The following ELP5 variants were observed in gnomAD, a reference collection of about 807,000 sequenced individuals.
ELP5 encodes elongator complex protein 5.
In ELP5, 34 loss-of-function variants were observed where a neutral mutation model predicts 33.4. The observed-to-expected ratio is 1.02, with a 90% CI of 0.78 to 1.36. The LOEUF is 1.36. Ranked by LOEUF, ELP5 falls within the 40% of genes most tolerant of loss-of-function variation. The pLI is 0.00. For synonymous variants in ELP5, 161 were observed against 146.4 expected (o/e 1.10, Z -0.72); for missense variants, 373 against 371.7 (o/e 1.00, Z -0.03).
chr17:7,256,025 C>A (rs749085365), intron 4 of ELP5, among the ~76,000 whole-genome samples: 1 of 150,954 alleles, frequency 6.6e-6, no homozygotes, highest in African/African-American at 2.4e-5. Flanking sequence ...CACCGTACTG[C>A]AGCCTGGGTG....
At chr17:7,255,725 G>A (rs1361702854) in intron 4 of ELP5, among the ~76,000 whole-genome samples, 1 of 152,164 alleles carries the variant, frequency 6.6e-6, no homozygotes, top group African/African-American at 2.4e-5. Flanking sequence ...TACAAGGGAA[G>A]TATTAGGATG....
At chr17:7,259,161 C>G (rs2072152773) in intron 7 of ELP5, 1 of 1,409,486 alleles carries the variant, frequency 7.1e-7, no homozygotes, top group Non-Finnish European at 9.2e-7. Flanking sequence ...CCAGAGCACC[C>G]TGGGCCTGGG....
intron 4 of ELP5, among the ~76,000 whole-genome samples, chr17:7,255,506 G>A (rs369667100): frequency 2.0e-5 from 3 of 150,332 alleles, no homozygotes; most frequent in South Asian, 2.1e-4. Context: ...CAGCCTGGGC[G>A]ACAGAGCAAG....
chr17:7,253,000 T>G lies in ELP5; in HGVS notation c.188+2T>G. Reference sequence around the variant, plus strand: ...TTTTGACTCTGATATCAACAATCGGTAAGTACCAGTTGGAAGAGATTTGAT... The same window carrying G: ...TTTTGACTCTGATATCAACAATCGGGAAGTACCAGTTGGAAGAGATTTGAT... On this transcript the variant is annotated splice_donor_variant, in intron 3 of 7. Transcript: ENST00000396628. LOFTEE classifies it high-confidence loss of function. 6.2e-7 allele frequency: 1 copy of G among 1,614,062 alleles called. No homozygotes were observed. Among genetic ancestry groups the G allele is most frequent in the Non-Finnish European group, 8.5e-7 (1 of 1,179,888 alleles).
At chr17:7,253,872 C>T (rs1045826235) in intron 3 of ELP5, among the ~76,000 whole-genome samples, 13 of 152,194 alleles carry the variant, frequency 8.5e-5, no homozygotes, top group African/African-American at 2.9e-4. Flanking sequence ...TGGCACATGC[C>T]TGTAATTCCA....
intron 4 of ELP5, among the ~76,000 whole-genome samples, chr17:7,255,650 G>A (rs1042960148): frequency 2.6e-5 from 4 of 152,136 alleles, no homozygotes; most frequent in Non-Finnish European, 5.9e-5. Context: ...GGAGTCAGAC[G>A]CCCAGCTTTG....
intron 7 of ELP5, chr17:7,259,330 G>C: frequency 7.2e-7 from 1 of 1,398,358 alleles, no homozygotes; most frequent in Non-Finnish European, 9.3e-7. Context: ...AAGACTACAA[G>C]ATCCTTGCCC....
intron 3 of ELP5, among the ~76,000 whole-genome samples, 187 bp downstream of exon 3, chr17:7,253,185 C>G (rs1435452139): frequency 2.0e-5 from 3 of 152,048 alleles, no homozygotes; most frequent in African/African-American, 7.3e-5. Context: ...GAGTCCAAAG[C>G]AAAGATCATA....
At chr17:7,259,073 C>G (rs1458080374) in intron 7 of ELP5, 147 bp downstream of exon 7, 9 of 1,472,272 alleles carry the variant, frequency 6.1e-6, no homozygotes, top group Non-Finnish European at 8.1e-6. Context: ...TTGATCCACC[C>G]ATTCCCCCTA....
At chr17:7,259,084 TAATGG>T in intron 7 of ELP5, 158 bp downstream of exon 7, 1 of 1,461,552 alleles carries the variant, frequency 6.8e-7, no homozygotes, top group Non-Finnish European at 9.0e-7. Context: ...ATTCCCCCTA[TAATGG>T]CAGAGGACCT....
rs561151375 is a variant in ELP5, at chr17:7,253,134, C to G, written c.188+136C>G. ...ATTGAAGAATTGGATATGGATCTTT[C>G]AGGAGGCAAGAATTAATAAGAGGAG... On this transcript the variant is annotated intron_variant, in intron 3 of 7. Coordinates refer to ENST00000396628, the MANE Select transcript of ELP5 (RefSeq NM_203414.3). 1.1e-4 allele frequency: 86 copies of G among 803,590 alleles called. 1 individual carries two copies. In the South Asian group the frequency reaches 1.3e-3, roughly 12 times the overall value. The allele number at this position is 803,590 out of a possible 1,614,324, so 49.8% of individuals were successfully genotyped here.
At chr17:7,252,703 C>G (rs2071972441) in intron 1 of ELP5, 67 bp from the exon 2 acceptor site, 11 of 1,611,312 alleles carry the variant, frequency 6.8e-6, no homozygotes, top group Non-Finnish European at 8.5e-6. Context: ...GTGTGGAAAT[C>G]GCGACGGGTT....
intron 7 of ELP5, chr17:7,259,182 C>G: frequency 7.1e-7 from 1 of 1,398,832 alleles, no homozygotes; most frequent in Non-Finnish European, 9.3e-7. Flanking sequence ...CTGAGCCAGA[C>G]CAGACCCTTG....
chr17:7,258,786 T>C (rs776187500), intron 6 of ELP5, 40 bp from the exon 7 acceptor site: 2 of 1,614,026 alleles, frequency 1.2e-6, no homozygotes, highest in South Asian at 1.1e-5. Context: ...TCAGGGATTC[T>C]AGGGATGGGG....
At chr17:7,253,507 G>A (rs2072001283) in intron 3 of ELP5, among the ~76,000 whole-genome samples, 2 of 152,190 alleles carry the variant, frequency 1.3e-5, no homozygotes, top group African/African-American at 4.8e-5. Flanking sequence ...TGGGGGAGAA[G>A]AAAGTATTGA....
Position 7,252,898 on chromosome 17 carries a change from C to T in ELP5, c.108-20C>T, listed in dbSNP as rs776429918. 334 of 1,614,180 alleles carry T rather than the reference C, an allele frequency of 2.1e-4. No individual in the cohort carries two copies. The highest frequency in any genetic ancestry group is 2.6e-4 in the Non-Finnish European group (304 of 1,180,004). ...CACCTGTGCCCACTCTTTGACAATC[C>T]CTTCTCATCTCTGCCTTAGTGGGGA... On this transcript the variant is annotated intron_variant, in intron 2 of 7. Coordinates refer to ENST00000396628, the MANE Select transcript of ELP5 (RefSeq NM_203414.3).
intron 5 of ELP5, among the ~76,000 whole-genome samples, chr17:7,257,610 A>G (rs1050228585): frequency 5.3e-5 from 8 of 151,478 alleles, no homozygotes; most frequent in African/African-American, 1.9e-4. Context: ...CCAGCTTTTT[A>G]GTTTTTTATA....
At chr17:7,257,246 C>T (rs1226530836) in intron 5 of ELP5, among the ~76,000 whole-genome samples, 1 of 152,150 alleles carries the variant, frequency 6.6e-6, no homozygotes, top group African/African-American at 2.4e-5. Context: ...GCTAGGATTA[C>T]AGACGTGAGC....
rs374732936 is a variant in ELP5 at position 7,257,036 on chromosome 17, C to G, written c.589C>G (p.Gln197Glu). ...GAGGCCCCGACAGCGCCCAACTGACCAGGTCAGAAGAACCAACAGAGAAGG... is the reference window on the plus strand; with the variant it reads ...GAGGCCCCGACAGCGCCCAACTGACGAGGTCAGAAGAACCAACAGAGAAGG... ...CRRPRQRPTD[Q>E]TQWFSILPDF... is the part of the protein sequence containing the mutation. Residue 197 changes from glutamine (Q) to glutamate (E), a missense_variant and splice_region_variant, in exon 5 of 8, where the codon CAG (glutamine) becomes GAG (glutamate). Gln to Glu is a conservative substitution (Grantham distance 29). Coordinates refer to ENST00000396628, the MANE Select transcript of ELP5 (RefSeq NM_203414.3). 1.3e-6 allele frequency: 2 copies of G among 1,581,390 alleles called. No homozygotes were observed. The highest frequency in any genetic ancestry group is 1.3e-5 in the African/African-American group (1 of 74,164).
Sources: gnomAD v4.1 joint callset for allele counts (sites outside exome capture counted in the v4.1 genomes callset) on GRCh38, gnomAD v4.1.1 for gene constraint, MANE v1.5 for transcripts, NCBI Gene and HGNC (gene_info 2026-07-23, HGNC 2026-07-21) for gene names.